ARFGEF1: variants seen among roughly 807,000 people sequenced by gnomAD.
ARFGEF1 encodes ARF guanine nucleotide exchange factor 1, also known as brefeldin A-inhibited guanine nucleotide-exchange protein 1.
ARFGEF1 carries 42 observed loss-of-function variants against 231.0 expected under a neutral mutation model. The observed-to-expected ratio is 0.18, with a 90% CI of 0.14 to 0.24. The LOEUF (loss-of-function observed/expected upper bound fraction) is 0.24. Ranked by LOEUF, ARFGEF1 falls within the 10% of genes least tolerant of loss-of-function variation. The pLI, the probability that ARFGEF1 is intolerant of heterozygous loss-of-function variation, is 1.00. For synonymous variants in ARFGEF1, 710 were observed against 732.3 expected (o/e 0.97, Z 0.49); for missense variants, 1,345 against 2,192.0 (o/e 0.61, Z 7.72).
chr8:67,330,057 A>C (rs1218089352), intron 1 of ARFGEF1, among the ~76,000 whole-genome samples: 2 of 152,124 alleles, frequency 1.3e-5, no homozygotes, highest in Non-Finnish European at 1.5e-5. Flanking sequence ...AAAGATTAGC[A>C]AATCTTTCTT....
intron 5 of ARFGEF1, among the ~76,000 whole-genome samples, chr8:67,187,641 G>A (rs1221764642): frequency 2.0e-5 from 3 of 151,966 alleles, no homozygotes; most frequent in Non-Finnish European, 4.4e-5. Flanking sequence ...CTATGATCAC[G>A]CCACTAAACT....
intron 5 of ARFGEF1, chr8:67,179,788 C>A: frequency 1.0e-6 from 1 of 971,396 alleles, no homozygotes; most frequent in Non-Finnish European, 1.6e-6. Flanking sequence ...GAAACTTGTG[C>A]CTCTTCTTAG....
At chr8:67,279,340 T>C (rs536345474) in intron 7 of ARFGEF1, among the ~76,000 whole-genome samples, 1 of 152,330 alleles carries the variant, frequency 6.6e-6, no homozygotes, top group African/African-American at 2.4e-5. Flanking sequence ...ACAGGCTCCC[T>C]GTCTCTTGCA....
At position 67,198,864 on chromosome 8, in the gene ARFGEF1, G is replaced by A; in HGVS notation, c.*70C>T. ...TCCAGAGAAATCATTTTTCAGGTAG[G>A]AAACCTCAGCTCCAGCGTCCTTTTA... On this transcript the variant is annotated 3_prime_UTR_variant, in exon 39 of 39. Transcript: ENST00000262215. 1 of 1,567,824 alleles carries A rather than the reference G, an allele frequency of 6.4e-7. No individual in the cohort carries two copies. The highest frequency in any genetic ancestry group is 8.6e-7 in the Non-Finnish European group (1 of 1,163,626).
intron 1 of ARFGEF1, among the ~76,000 whole-genome samples, chr8:67,318,414 G>A (rs923985728): frequency 6.6e-6 from 1 of 152,128 alleles, no homozygotes; most frequent in African/African-American, 2.4e-5. Context: ...CTGGTTGGGT[G>A]AGGAAACCCT....
At chr8:67,211,381 T>G in intron 34 of ARFGEF1, 102 bp downstream of exon 34, 11 of 367,842 alleles carry the variant, frequency 3.0e-5, no homozygotes, top group Non-Finnish European at 3.1e-5. Context: ...GATGACACAA[T>G]CAATTATAGT....
Position 67,289,549 on chromosome 8 carries a change from C to CCA in ARFGEF1, c.917-1485_917-1484insTG, listed in dbSNP as rs779146555. Among the ~76,000 whole-genome samples the CCA allele has an allele frequency of 4.9e-4, 22 of 44,842 alleles. 1 individual carries two copies. The highest frequency in any genetic ancestry group is 1.5e-3 in the African/African-American group (21 of 14,008). The allele number at this position is 44,842 out of a possible 152,430, so 29.4% of individuals were successfully genotyped here. ...GGGTGACAGAGCAAGACTCTGTATC[C>CCA]AAAAAAAAAAAAAAAAAAAAAAAAA... On this transcript the variant is annotated intron_variant, in intron 6 of 38. Transcript: ENST00000262215.
Position 67,246,034 on chromosome 8 carries a change from AGAG to A in ARFGEF1, c.2850+5262_2850+5264del, listed in dbSNP as rs1040342108. On this transcript the variant is annotated intron_variant, in intron 19 of 38. Transcript: ENST00000262215. ...CAATGATAAAGAGGTCAATTCAGCA[AGAG>A]GATACAGCAATTGTGTGTGGATGTG... Among the ~76,000 whole-genome samples, 3 of 150,496 alleles carry A rather than the reference AGAG, an allele frequency of 2.0e-5. 1 individual carries two copies. The highest frequency in any genetic ancestry group is 2.0e-4 in the Admixed American group (3 of 15,056).
chr8:67,260,678 A>G (rs1414191816), intron 14 of ARFGEF1, among the ~76,000 whole-genome samples: 2 of 152,216 alleles, frequency 1.3e-5, no homozygotes, highest in Non-Finnish European at 2.9e-5. Flanking sequence ...GAACCCTACA[A>G]TAAGTGTTCA....
Position 67,211,560 on chromosome 8 carries a change from A to G in ARFGEF1, c.4742T>C (p.Val1581Ala), listed in dbSNP as rs751961605. The G allele has an allele frequency of 3.8e-6, 6 of 1,584,560 alleles. No homozygotes were observed. The East Asian group carries it at 1.1e-4, about 30-fold the overall frequency. Reference protein sequence around the residue: ...DIHDSIQPRSVDNRPQAPLVS... With the variant: ...DIHDSIQPRSADNRPQAPLVS... ...CAGTGGTGCTTGTGGTCTGTTATCC[A>G]CAGACCTTGGTTGAATAGAATCATG... Residue 1581 changes from valine (V) to alanine (A), a missense_variant, in exon 34 of 39, where the codon GTG (valine) becomes GCG (alanine). This residue lies in a region of ARFGEF1 where 89 missense variants were observed against 74.8 expected (regional missense o/e 1.19). Coordinates refer to ENST00000262215, the MANE Select transcript of ARFGEF1 (RefSeq NM_006421.5).
At chr8:67,309,464 GA>G (rs1316938251) in intron 1 of ARFGEF1, among the ~76,000 whole-genome samples, 3 of 152,146 alleles carry the variant, frequency 2.0e-5, no homozygotes, top group East Asian at 3.9e-4. Flanking sequence ...AAAAGAGAAA[GA>G]AAAAATACCA....
intron 19 of ARFGEF1, among the ~76,000 whole-genome samples, chr8:67,247,640 G>T (rs886522014): frequency 6.6e-6 from 1 of 150,500 alleles, no homozygotes; most frequent in African/African-American, 2.5e-5. Context: ...AGCCCTTCCT[G>T]TAAGGTCTGA....
intron 28 of ARFGEF1, among the ~76,000 whole-genome samples, chr8:67,225,439 T>C (rs1587081736): frequency 6.6e-6 from 1 of 152,228 alleles, no homozygotes; most frequent in East Asian, 1.9e-4. Flanking sequence ...GATCGGTCCA[T>C]GGTAGTACGG....
Position 67,203,207 on chromosome 8 carries a change from T to C in ARFGEF1, c.5004A>G (p.Gln1668=). The change falls in exon 36 of 39, where the codon CAA becomes CAG. Residue 1668 remains glutamine, a synonymous_variant. Coordinates refer to ENST00000262215, the MANE Select transcript of ARFGEF1 (RefSeq NM_006421.5). ...GTGATGTTAAAAAGCGGTACATTCC[T>C]TGGTCTTGAGTATCAACGCGAACAT... ...DFDVRVDTQD[Q]GMYRFLTSQQ... is the part of the protein sequence containing the mutation. The C allele has an allele frequency of 6.2e-7, 1 of 1,614,224 alleles. No homozygotes were observed.
At chr8:67,187,375 A>G (rs996049551) in intron 5 of ARFGEF1, among the ~76,000 whole-genome samples, 3 of 152,210 alleles carry the variant, frequency 2.0e-5, no homozygotes, top group African/African-American at 7.2e-5. Context: ...CAAATAGACC[A>G]GTTGAATGGA....
chr8:67,272,002 C>T (rs2128896651), intron 9 of ARFGEF1, 66 bp from the exon 10 acceptor site: 3 of 948,124 alleles, frequency 3.2e-6, no homozygotes, highest in Non-Finnish European at 4.7e-6. Context: ...ACAGGTTGTT[C>T]CAAAAATATT....
chr8:67,262,603 G>A (rs1352995322), intron 14 of ARFGEF1, among the ~76,000 whole-genome samples: 1 of 152,154 alleles, frequency 6.6e-6, no homozygotes, highest in Non-Finnish European at 1.5e-5. Flanking sequence ...AATCTTTCGT[G>A]AATGGAAGAG....
chr8:67,243,597 T>C (rs141275489), intron 19 of ARFGEF1, among the ~76,000 whole-genome samples: 1 of 152,132 alleles, frequency 6.6e-6, no homozygotes, highest in Non-Finnish European at 1.5e-5. Context: ...CCAAACCGTA[T>C]CATCAAGTCC....
intron 19 of ARFGEF1, among the ~76,000 whole-genome samples, chr8:67,248,878 C>T (rs1840185647): frequency 6.6e-6 from 1 of 150,534 alleles, no homozygotes. Context: ...TTCATGAATG[C>T]TTTGTCAAAT....
Sources: allele counts gnomAD v4.1 joint callset (sites outside exome capture counted in the v4.1 genomes callset), GRCh38; gene constraint gnomAD v4.1.1; regional missense constraint gnomAD v4.1.1; transcripts MANE v1.5; gene names NCBI Gene and HGNC (gene_info 2026-07-23, HGNC 2026-07-21).